Variants in RANBP17 observed in about 807,000 individuals in gnomAD.
RANBP17 encodes the protein RAN binding protein 17, also known as ran-binding protein 17.
RANBP17 carries 158 observed loss-of-function variants against 141.2 expected under a neutral mutation model. That is an observed-to-expected ratio of 1.12 (90% CI 0.98 to 1.28). RANBP17 has a LOEUF of 1.28. RANBP17 is among the 50% of genes most tolerant of loss of function. The pLI is 0.00. For synonymous variants in RANBP17, 430 were observed against 450.0 expected (o/e 0.96, Z 0.56); for missense variants, 1,438 against 1,290.7 (o/e 1.11, Z -1.75).
chr5:171,259,441 C>A (rs1188490127), intron 24 of RANBP17, among the ~76,000 whole-genome samples: 1 of 152,114 alleles, frequency 6.6e-6, no homozygotes, highest in African/African-American at 2.4e-5. Flanking sequence ...TCAGTATTCA[C>A]AGTAGCAAAG....
chr5:170,928,724 T>G (rs184010590), intron 12 of RANBP17, among the ~76,000 whole-genome samples: 20 of 152,208 alleles, frequency 1.3e-4, no homozygotes, highest in Admixed American at 2.0e-4. Context: ...TCTTGATTAC[T>G]GTAGCATTAA....
chr5:170,932,051 C>G (rs1362627595), intron 12 of RANBP17, among the ~76,000 whole-genome samples: 1 of 152,038 alleles, frequency 6.6e-6, no homozygotes, highest in Non-Finnish European at 1.5e-5. Context: ...ATGGAATGTT[C>G]TTCCATTTGT....
chr5:171,187,749 T>A (rs1384701867), intron 18 of RANBP17, among the ~76,000 whole-genome samples: 1 of 152,194 alleles, frequency 6.6e-6, no homozygotes, highest in Non-Finnish European at 1.5e-5. Flanking sequence ...TTAGGATGGG[T>A]ACTTAAGCTT....
intron 14 of RANBP17, among the ~76,000 whole-genome samples, chr5:171,117,094 T>A (rs1476791857): frequency 6.6e-6 from 1 of 152,194 alleles, no homozygotes; most frequent in East Asian, 1.9e-4. Context: ...TTCCATATCT[T>A]GGCTATTATG....
At chr5:171,081,648 C>A (rs1325326044) in intron 14 of RANBP17, among the ~76,000 whole-genome samples, 2 of 152,024 alleles carry the variant, frequency 1.3e-5, no homozygotes, top group Non-Finnish European at 2.9e-5. Flanking sequence ...CTAAGAAAAT[C>A]AACTTAGTTT....
chr5:171,295,781 C>G (rs891283850), intron 26 of RANBP17, 106 bp from the exon 27 acceptor site: 1 of 1,248,016 alleles, frequency 8.0e-7, no homozygotes, highest in African/African-American at 1.5e-5. Flanking sequence ...CTCCTCTGAG[C>G]ATTAGTGAGC....
intron 25 of RANBP17, among the ~76,000 whole-genome samples, chr5:171,267,770 C>T (rs1289665481): frequency 1.3e-5 from 2 of 151,678 alleles, no homozygotes; most frequent in Admixed American, 6.6e-5. Flanking sequence ...CACACCACTG[C>T]ACTCCAGCTT....
chr5:171,066,455 A>G (rs758932184), intron 14 of RANBP17, among the ~76,000 whole-genome samples: 5 of 152,168 alleles, frequency 3.3e-5, no homozygotes, highest in East Asian at 1.9e-4. Flanking sequence ...TTCACTTAAC[A>G]TAATGTCTTC....
chr5:171,089,203 T>A (rs1444765751), intron 14 of RANBP17, among the ~76,000 whole-genome samples: 1 of 139,402 alleles, frequency 7.2e-6, no homozygotes, highest in Non-Finnish European at 1.6e-5. Flanking sequence ...TGCAGGTCTG[T>A]TGGAATACCC....
intron 1 of RANBP17, among the ~76,000 whole-genome samples, chr5:170,876,292 C>T: frequency 6.6e-6 from 1 of 151,986 alleles, no homozygotes; most frequent in African/African-American, 2.4e-5. Context: ...ACCTGGATAC[C>T]TTGGTTATCA....
At chr5:170,995,637 G>A (rs1459459733) in intron 14 of RANBP17, among the ~76,000 whole-genome samples, 1 of 152,012 alleles carries the variant, frequency 6.6e-6, no homozygotes, top group African/African-American at 2.4e-5. Flanking sequence ...GAAATATGAG[G>A]CAGATAATGA....
chr5:171,125,574 G>A (rs541550878), intron 14 of RANBP17, among the ~76,000 whole-genome samples: 5 of 152,218 alleles, frequency 3.3e-5, no homozygotes, highest in African/African-American at 1.2e-4. Flanking sequence ...TTATTGTATT[G>A]GTGTTTAACG....
At chr5:170,880,057 A>T (rs983103322) in intron 2 of RANBP17, among the ~76,000 whole-genome samples, 5 of 152,186 alleles carry the variant, frequency 3.3e-5, no homozygotes, top group Non-Finnish European at 5.9e-5. Context: ...TTTCCGCTCC[A>T]TATGTTTTAC....
chr5:171,155,146 C>A (rs1280092464), intron 14 of RANBP17, among the ~76,000 whole-genome samples: 1 of 136,646 alleles, frequency 7.3e-6, no homozygotes, highest in Non-Finnish European at 1.6e-5. Flanking sequence ...CACACATATA[C>A]ACATATATGT....
chr5:171,001,690 T>A (rs1779209333), intron 14 of RANBP17, among the ~76,000 whole-genome samples: 1 of 152,136 alleles, frequency 6.6e-6, no homozygotes, highest in Non-Finnish European at 1.5e-5. Flanking sequence ...CCATTTTACC[T>A]TTCCTGAAGA....
In RANBP17 at chr5:171,133,042, C is replaced by T. The variant is rs187105856; in HGVS notation, c.1711-37088C>T. Among the ~76,000 whole-genome samples the T allele has an allele frequency of 6.0e-3, 906 of 152,100 alleles. 14 individuals carry two copies. The highest frequency in any genetic ancestry group is 0.021 in the African/African-American group (875 of 41,500). On this transcript the variant is annotated intron_variant, in intron 14 of 27. Coordinates refer to ENST00000523189, the MANE Select transcript of RANBP17 (RefSeq NM_022897.5). ...CTGGGACTACAGGGGCCCGCCATCA[C>T]GCTTGGCTAATTTTTGTATTTTTAG... is the stretch of plus-strand genomic sequence containing the variant.
Position 171,252,587 on chromosome 5 carries a change from T to C in RANBP17, c.2776+9767T>C, listed in dbSNP as rs1765643705. On this transcript the variant is annotated intron_variant, in intron 24 of 27. Coordinates refer to ENST00000523189, the MANE Select transcript of RANBP17 (RefSeq NM_022897.5). ...CTGCCCATGATTCTAGCTCCACACCTGAAGAGATTTAAATATAAGGATCAA... is the reference window on the plus strand; with the variant it reads ...CTGCCCATGATTCTAGCTCCACACCCGAAGAGATTTAAATATAAGGATCAA... The C allele has an allele frequency of 3.0e-6, 4 of 1,351,210 alleles. No homozygotes were observed. In the Admixed American group the frequency reaches 6.7e-5, roughly 23 times the overall value. 83.7% of individuals were successfully genotyped at this position (1,351,210 alleles called of 1,614,324 possible).
At chr5:171,159,158 G>A (rs994179052) in intron 14 of RANBP17, among the ~76,000 whole-genome samples, 1 of 152,094 alleles carries the variant, frequency 6.6e-6, no homozygotes, top group Non-Finnish European at 1.5e-5. Flanking sequence ...TTGTTTAGTG[G>A]CAGGCCCTTG....
rs60367704 is a variant in RANBP17, at chr5:170,887,616, GTATT to G, written c.257-4767_257-4764del. ...CTCCTTTGTCAGAGATCAATTGACTGTATTTATATGGGTCTATTTCTAGGTTTTT... is the reference window on the plus strand; with the variant it reads ...CTCCTTTGTCAGAGATCAATTGACTGTATATGGGTCTATTTCTAGGTTTTT... On this transcript the variant is annotated intron_variant, in intron 3 of 27. Transcript: ENST00000523189. Among the ~76,000 whole-genome samples, 1,209 of 152,288 alleles carry G rather than the reference GTATT, an allele frequency of 7.9e-3. 18 individuals carry two copies. Among genetic ancestry groups the G allele is most frequent in the African/African-American group, 0.027 (1,134 of 41,554 alleles).
Sources: allele counts gnomAD v4.1 joint callset (sites outside exome capture counted in the v4.1 genomes callset), GRCh38; gene constraint gnomAD v4.1.1; transcripts MANE v1.5; gene names NCBI Gene and HGNC (gene_info 2026-07-23, HGNC 2026-07-21).